PRCP: variants seen among roughly 807,000 people sequenced by gnomAD.
PRCP encodes the protein lysosomal Pro-X carboxypeptidase.
A neutral mutation model predicts 54.2 loss-of-function variants in PRCP; 46 were observed. The observed-to-expected ratio is 0.85, with a 90% confidence interval of 0.67 to 1.09. The LOEUF (loss-of-function observed/expected upper bound fraction) is 1.09. Ranked by LOEUF, PRCP falls within the 50% of genes least tolerant of loss-of-function variation. The probability of loss-of-function intolerance (pLI) is 0.00; values close to 1 mark genes in which losing one functional copy is unlikely to be tolerated. For synonymous variants in PRCP, 240 were observed against 212.2 expected, an observed-to-expected ratio of 1.13 and a Z score of -1.14; for missense variants, 613 against 596.8, an observed-to-expected ratio of 1.03 and a Z score of -0.28.
intron 1 of PRCP, chr11:82,884,746 C>A (rs1859827419): frequency 6.3e-7 from 1 of 1,595,560 alleles, no homozygotes; most frequent in African/African-American, 1.4e-5. Flanking sequence ...CCATCTTGGC[C>A]ATTTATTAGC....
intron 1 of PRCP, among the ~76,000 whole-genome samples, chr11:82,877,073 C>T (rs1421077148): frequency 6.6e-6 from 1 of 152,180 alleles, no homozygotes; most frequent in Non-Finnish European, 1.5e-5. Flanking sequence ...ACAAAGGTGA[C>T]TCTTGTTATG....
chr11:82,829,130 A>G (rs998983694), intron 8 of PRCP: 1 of 151,992 alleles, frequency 6.6e-6, no homozygotes, highest in Non-Finnish European at 1.5e-5. Flanking sequence ...TCCTGCCTCT[A>G]CTCTTGTCTC....
intron 1 of PRCP, among the ~76,000 whole-genome samples, chr11:82,878,536 T>C (rs895037607): frequency 6.6e-6 from 1 of 152,242 alleles, no homozygotes; most frequent in African/African-American, 2.4e-5. Flanking sequence ...TCATGAGATC[T>C]GATGGGTTTA....
chr11:82,847,082 G>A (rs958555791), intron 6 of PRCP, among the ~76,000 whole-genome samples: 3 of 151,958 alleles, frequency 2.0e-5, no homozygotes, highest in Admixed American at 2.0e-4. Context: ...TATATGGCTC[G>A]CAAAGCCTAA....
intron 6 of PRCP, among the ~76,000 whole-genome samples, chr11:82,842,875 C>T (rs1858708825): frequency 6.6e-6 from 1 of 152,150 alleles, no homozygotes; most frequent in Non-Finnish European, 1.5e-5. Context: ...AAGCATCATC[C>T]TCTACCATTA....
intron 1 of PRCP, among the ~76,000 whole-genome samples, chr11:82,878,304 G>A (rs1037620016): frequency 3.3e-5 from 5 of 152,174 alleles, no homozygotes; most frequent in African/African-American, 1.2e-4. Flanking sequence ...AATGAGTTAA[G>A]ACTTTGGGGG....
At chr11:82,839,145 G>T in intron 7 of PRCP, 116 bp downstream of exon 7, 1 of 1,067,734 alleles carries the variant, frequency 9.4e-7, no homozygotes, top group Non-Finnish European at 1.4e-6. Context: ...TAAGGTAACA[G>T]AGCCCAAAAC....
intron 8 of PRCP, chr11:82,826,666 T>G (rs1231046235): frequency 1.3e-5 from 2 of 152,260 alleles, no homozygotes; most frequent in African/African-American, 4.8e-5. Context: ...TTAAATGGTA[T>G]TTCACTGTGG....
chr11:82,859,929 A>G (rs1435341245), intron 2 of PRCP, 48 bp downstream of exon 2: 4 of 1,501,606 alleles, frequency 2.7e-6, no homozygotes, highest in Non-Finnish European at 2.7e-6. Context: ...CCAAGTTATC[A>G]TAATAAAAGT....
Position 82,850,123 on chromosome 11 carries a change from A to C in PRCP, c.594-52T>G. ...AAAAAAGAAAAGAAAAAATATATAT[A>C]TATATTATATATATGTCATCTAAAT... On this transcript the variant is annotated intron_variant, in intron 4 of 8. Transcript: ENST00000313010. 2.3e-6 allele frequency: 2 copies of C among 852,994 alleles called. 1 individual carries two copies. Among genetic ancestry groups the C allele is most frequent in the Non-Finnish European group, 3.1e-6 (2 of 639,968 alleles). The allele number at this position is 852,994 out of a possible 1,614,324, so 52.8% of individuals were successfully genotyped here.
rs143734237 is a variant in PRCP at position 82,849,090 on chromosome 11, C to G, written c.880G>C (p.Ala294Pro). 746 of 1,614,038 alleles carry G rather than the reference C, an allele frequency of 4.6e-4. No homozygotes were observed. The highest frequency in any genetic ancestry group is 5.7e-4 in the Non-Finnish European group (678 of 1,179,958). Residue 294 changes from alanine (A) to proline (P), a missense_variant, in exon 6 of 9, where the codon GCC becomes CCC. Ala to Pro is a conservative substitution (Grantham distance 27, BLOSUM62 -1). Coordinates refer to ENST00000313010, the MANE Select transcript of PRCP (RefSeq NM_005040.4). ...VNLAMVDYPY[A>P]SNFLQPLPAW... ...GGCAAAGGCTGTAAAAAGTTAGAGG[C>G]ATAAGGATAGTCCACCATTGCCAGA... is the stretch of plus-strand genomic sequence containing the variant.
In PRCP at chr11:82,849,999, T is replaced by TA. The variant is rs1315175931; in HGVS notation, c.665dup (p.Thr223AsnfsTer5). On this transcript the variant is annotated frameshift_variant, in exon 5 of 9. Transcript: ENST00000313010. LOFTEE classifies it high-confidence loss of function. The stretch of plus-strand genomic sequence containing the variant: ...GACCGCTTTTCCTAAAATCTGTAGT[T>TA]ACGATCTTCATAAATACACCACAAG... The TA allele has an allele frequency of 6.4e-7, 1 of 1,561,154 alleles. No individual in the cohort carries two copies. Among genetic ancestry groups the TA allele is most frequent in the African/African-American group, 1.4e-5 (1 of 72,322 alleles).
intron 1 of PRCP, among the ~76,000 whole-genome samples, chr11:82,882,408 T>C (rs1859768292): frequency 6.6e-6 from 1 of 152,042 alleles, no homozygotes; most frequent in South Asian, 2.1e-4. Flanking sequence ...GAGATATCCA[T>C]ATTAGGGACA....
At chr11:82,871,029 T>C (rs1220144944) in intron 1 of PRCP, among the ~76,000 whole-genome samples, 2 of 152,180 alleles carry the variant, frequency 1.3e-5, no homozygotes, top group African/African-American at 4.8e-5. Context: ...ATATATGATA[T>C]ATAAGCATTT....
At chr11:82,833,169 T>C (rs1203914857) in intron 8 of PRCP, among the ~76,000 whole-genome samples, 1 of 152,200 alleles carries the variant, frequency 6.6e-6, no homozygotes. Flanking sequence ...ATGCTAAAGA[T>C]ACAGAGATGA....
rs199651564 is a variant in PRCP at position 82,839,356 on chromosome 11, G to C, written c.991C>G (p.Leu331Val). ...SLLLQNIFQA[L>V]NVYYNYSGQV... Reference sequence around the variant, plus strand: ...CCCGAATAATTGTAATATACATTCAGAGCTTGGAAAATATTCTGCAGCAGC... The same window carrying C: ...CCCGAATAATTGTAATATACATTCACAGCTTGGAAAATATTCTGCAGCAGC... The change falls in exon 7 of 9, where the codon CTG (leucine) becomes GTG (valine). Residue 331 changes from leucine to valine, a missense_variant. Transcript: ENST00000313010. 1.4e-4 allele frequency: 222 copies of C among 1,613,836 alleles called. No individual in the cohort carries two copies. Among genetic ancestry groups the C allele is most frequent in the Non-Finnish European group, 1.8e-4 (215 of 1,179,856 alleles).
chr11:82,863,846 T>C (rs1307952540), intron 1 of PRCP, among the ~76,000 whole-genome samples: 1 of 152,148 alleles, frequency 6.6e-6, no homozygotes, highest in Non-Finnish European at 1.5e-5. Context: ...TCAGCCTTGA[T>C]TGTTAAGATT....
At chr11:82,883,425 A>G (rs1448497115) in intron 1 of PRCP, among the ~76,000 whole-genome samples, 1 of 152,238 alleles carries the variant, frequency 6.6e-6, no homozygotes, top group Non-Finnish European at 1.5e-5. Flanking sequence ...GTACAAAATA[A>G]TGAAATGAAA....
intron 1 of PRCP, among the ~76,000 whole-genome samples, chr11:82,886,496 C>G (rs1859867800): frequency 6.6e-6 from 1 of 152,076 alleles, no homozygotes; most frequent in Non-Finnish European, 1.5e-5. Flanking sequence ...CTTGCTCATG[C>G]TAGTCTCAAA....
Sources: gnomAD v4.1 joint callset for allele counts (sites outside exome capture counted in the v4.1 genomes callset) on GRCh38, gnomAD v4.1.1 for gene constraint, MANE v1.5 for transcripts, NCBI Gene and HGNC (gene_info 2026-07-23, HGNC 2026-07-21) for gene names.